The following FECH variants were observed in gnomAD, a reference collection of about 807,000 sequenced individuals.
The protein encoded by FECH is ferrochelatase, also known as ferrochelatase, mitochondrial.
FECH carries 40 observed loss-of-function variants against 56.9 expected under a neutral mutation model. The observed-to-expected ratio is 0.70, with a 90% CI of 0.55 to 0.92. FECH has a LOEUF of 0.92. FECH is among the 40% of genes least tolerant of loss of function. The pLI, the probability that FECH is intolerant of heterozygous loss-of-function variation, is 0.00. For synonymous variants in FECH, 175 were observed against 198.6 expected, an observed-to-expected ratio of 0.88 and a Z score of 1.00; for missense variants, 431 against 529.1, an observed-to-expected ratio of 0.81 and a Z score of 1.82.
chr18:57,572,512 GT>G (rs1414819118), intron 3 of FECH, among the ~76,000 whole-genome samples: 38 of 44,240 alleles, frequency 8.6e-4, no homozygotes, highest in Admixed American at 1.6e-3. Flanking sequence ...GTATACGTAT[GT>G]AAAAAAAAAA....
At chr18:57,580,334 T>C (rs1170184077) in intron 1 of FECH, 135 bp from the exon 2 acceptor site, 4 of 1,248,544 alleles carry the variant, frequency 3.2e-6, no homozygotes. Flanking sequence ...AGCATTTCTC[T>C]GCAGGCAGGT....
intron 3 of FECH, among the ~76,000 whole-genome samples, chr18:57,571,788 G>T (rs1174462588): frequency 6.6e-6 from 1 of 152,182 alleles, no homozygotes; most frequent in Non-Finnish European, 1.5e-5. Context: ...CACACCTGAA[G>T]ATTCAGGACA....
chr18:57,550,615 T>A lies in FECH; in HGVS notation c.*97A>T. The A allele has an allele frequency of 1.3e-5, 20 of 1,482,068 alleles. No homozygotes were observed. The highest frequency in any genetic ancestry group is 1.6e-5 in the Non-Finnish European group (17 of 1,067,454). 91.8% of individuals were successfully genotyped at this position (1,482,068 alleles called of 1,614,324 possible). A position where few individuals can be genotyped will look rare whatever the true frequency, so the allele number is the denominator to read the frequency against. On this transcript the variant is annotated 3_prime_UTR_variant, in exon 11 of 11. Transcript: ENST00000262093. ...AGGCTGTATATATATCAAGGAAGGA[T>A]GACTTCCTTCCTTGATCTCTAAATA...
chr18:57,574,035 C>T (rs543223473), intron 2 of FECH, among the ~76,000 whole-genome samples: 1 of 152,310 alleles, frequency 6.6e-6, no homozygotes, highest in Admixed American at 6.5e-5. Flanking sequence ...AATGGATTCT[C>T]ACTCTGTCAC....
rs11152018 is a variant in FECH at position 57,544,811 on chromosome 18, A to C, written c.*5901T>G. The stretch of plus-strand genomic sequence containing the variant: ...TTCTTAAGTCTAAATAATCAACGAC[A>C]AAAAAAAGGGCGAAATAATTAGAAA... On this transcript the variant is annotated 3_prime_UTR_variant, in exon 11 of 11. Coordinates refer to ENST00000262093, the MANE Select transcript of FECH (RefSeq NM_000140.5). Among the ~76,000 whole-genome samples, 35,328 of 151,908 alleles carry C rather than the reference A, an allele frequency of 0.23. 4,204 individuals carry two copies. Among genetic ancestry groups the C allele is most frequent in the South Asian group, 0.36 (1,735 of 4,806 alleles).
At position 57,586,657 on chromosome 18, in the gene FECH, C is replaced by T. The variant is rs1335394725; in HGVS notation, c.-37G>A. The T allele has an allele frequency of 7.4e-6, 11 of 1,484,780 alleles. No homozygotes were observed. Among genetic ancestry groups the T allele is most frequent in the Non-Finnish European group, 9.8e-6 (11 of 1,122,704 alleles). The allele number at this position is 1,484,780 out of a possible 1,614,324, so 92.0% of individuals were successfully genotyped here. On this transcript the variant is annotated 5_prime_UTR_variant, in exon 1 of 11. Transcript: ENST00000262093. ...CCTCGGCCCGAGTCCGGGCTCCTCC[C>T]GCGGCGGCGCGCCCAGGTGTCCGCC...
chr18:57,546,277 C>T lies in FECH; in HGVS notation c.*4435G>A, dbSNP rs1353340417. ...ACGTGCCCCCGTGCGCACACATAGA[C>T]GTTCGCTTACAGCTGCCAGCTTTAA... On this transcript the variant is annotated 3_prime_UTR_variant, in exon 11 of 11. Coordinates refer to ENST00000262093, the MANE Select transcript of FECH (RefSeq NM_000140.5). Among the ~76,000 whole-genome samples, 2 of 152,194 alleles carry T rather than the reference C, an allele frequency of 1.3e-5. No individual in the cohort carries two copies. The highest frequency in any genetic ancestry group is 2.9e-5 in the Non-Finnish European group (2 of 68,032).
At chr18:57,574,753 G>C (rs2051160472) in intron 2 of FECH, among the ~76,000 whole-genome samples, 1 of 152,214 alleles carries the variant, frequency 6.6e-6, no homozygotes. Context: ...GGTAGCCATG[G>C]GATGGCAATA....
intron 4 of FECH, among the ~76,000 whole-genome samples, chr18:57,568,889 A>G (rs1278606877): frequency 6.6e-6 from 1 of 152,230 alleles, no homozygotes; most frequent in Non-Finnish European, 1.5e-5. Context: ...AAGCTCACGT[A>G]TATTGAACTT....
At chr18:57,556,034 C>G (rs1383466294) in intron 7 of FECH, among the ~76,000 whole-genome samples, 1 of 152,154 alleles carries the variant, frequency 6.6e-6, no homozygotes, top group Non-Finnish European at 1.5e-5. Flanking sequence ...GAGGCTGAGG[C>G]AGAAGAATCA....
chr18:57,561,800 CCA>C lies in FECH; in HGVS notation c.705+1072_705+1073del, dbSNP rs2050947189. On this transcript the variant is annotated intron_variant, in intron 6 of 10. Coordinates refer to ENST00000262093, the MANE Select transcript of FECH (RefSeq NM_000140.5). The stretch of plus-strand genomic sequence containing the variant: ...CCCCTCCTTTCCAATCGCAGGCCTC[CCA>C]AAGCAAAACCCAGGCTGCTGGTGCT... Among the ~76,000 whole-genome samples the C allele has an allele frequency of 2.0e-5, 3 of 152,310 alleles. No homozygotes were observed. The South Asian group carries it at 6.2e-4, about 32-fold the overall frequency.
At chr18:57,576,171 T>C (rs1599009696) in intron 2 of FECH, among the ~76,000 whole-genome samples, 1 of 152,094 alleles carries the variant, frequency 6.6e-6, no homozygotes, top group Non-Finnish European at 1.5e-5. Flanking sequence ...CAAAAATGTC[T>C]CCAGCCATTG....
rs182499989 is a variant in FECH, at chr18:57,574,797, C to T, written c.195-1432G>A. 7.0e-4 allele frequency among the ~76,000 whole-genome samples: 106 copies of T among 152,338 alleles called. No individual in the cohort carries two copies. The Middle Eastern group carries it at 0.01, about 15-fold the overall frequency. On this transcript the variant is annotated intron_variant, in intron 2 of 10. Coordinates refer to ENST00000262093, the MANE Select transcript of FECH (RefSeq NM_000140.5). ...ACTAAAGATCAAGGAGCATTTCTTC[C>T]ATTCATTCATTCATCTTTTTTTCAT... is the stretch of plus-strand genomic sequence containing the variant.
chr18:57,576,309 C>T (rs530066873), intron 2 of FECH, among the ~76,000 whole-genome samples: 1 of 152,330 alleles, frequency 6.6e-6, no homozygotes, highest in Admixed American at 6.5e-5. Flanking sequence ...TGTTATATAA[C>T]TCTTCCATGC....
chr18:57,574,779 A>T (rs2051160807), intron 2 of FECH, among the ~76,000 whole-genome samples: 1 of 152,256 alleles, frequency 6.6e-6, no homozygotes, highest in Non-Finnish European at 1.5e-5. Context: ...GGAACTAAAG[A>T]TCAAGGAGCA....
At chr18:57,563,450 T>C (rs946648717) in intron 5 of FECH, among the ~76,000 whole-genome samples, 2 of 151,704 alleles carry the variant, frequency 1.3e-5, no homozygotes, top group Admixed American at 6.6e-5. Context: ...GGCATGGTGG[T>C]GCACCTGTAA....
In FECH at chr18:57,554,301, AC is replaced by A; in HGVS notation, c.1035del (p.Tyr346MetfsTer11). On this transcript the variant is annotated frameshift_variant, in exon 9 of 11. Transcript: ENST00000262093. LOFTEE classifies it high-confidence loss of function. ...IAFTSDHIET[L>X]YELDIEYSQV... ...TGAGAGTACTCGATGTCCAGCTCAT[AC>A]AGCGTTTCAATATGGTCACTGGTAA... The A allele has an allele frequency of 6.2e-7, 1 of 1,614,260 alleles. No homozygotes were observed. The highest frequency in any genetic ancestry group is 1.1e-5 in the South Asian group (1 of 91,086).
chr18:57,578,543 G>A (rs1326655899), intron 2 of FECH, among the ~76,000 whole-genome samples: 1 of 152,150 alleles, frequency 6.6e-6, no homozygotes, highest in Non-Finnish European at 1.5e-5. Flanking sequence ...AGCTGGGTGT[G>A]GTGGTGTGCA....
At chr18:57,558,109 C>T (rs1167004926) in intron 7 of FECH, among the ~76,000 whole-genome samples, 1 of 152,230 alleles carries the variant, frequency 6.6e-6, no homozygotes, top group African/African-American at 2.4e-5. Flanking sequence ...GGCCCAGACA[C>T]TGAGGCTGAC....
Sources: allele counts gnomAD v4.1 joint callset (sites outside exome capture counted in the v4.1 genomes callset), GRCh38; gene constraint gnomAD v4.1.1; transcripts MANE v1.5; gene names NCBI Gene and HGNC (gene_info 2026-07-23, HGNC 2026-07-21).